The following PCDHGB2 variants were observed in gnomAD, a reference collection of about 807,000 sequenced individuals.
PCDHGB2 encodes protocadherin gamma subfamily B, 2.
In PCDHGB2, 55 loss-of-function variants were observed where a neutral mutation model predicts 59.3. That is an observed-to-expected ratio of 0.93 (90% CI 0.75 to 1.16). The LOEUF (loss-of-function observed/expected upper bound fraction) is 1.16. Among genes scored for constraint, PCDHGB2 ranks in the 50% most tolerant of loss-of-function variants. The pLI, the probability that PCDHGB2 is intolerant of heterozygous loss-of-function variation, is 0.00. For synonymous variants in PCDHGB2, 516 were observed against 512.0 expected (o/e 1.01, Z -0.11); for missense variants, 1,228 against 1,198.5 (o/e 1.02, Z -0.36).
chr5:141,376,292 G>C (rs377013387), intron 1 of PCDHGB2: 30 of 1,614,038 alleles, frequency 1.9e-5, no homozygotes, highest in Middle Eastern at 3.3e-4. Flanking sequence ...GAGCATGCCC[G>C]GCTCGCACTT....
chr5:141,398,874 C>G (rs1384943457), intron 1 of PCDHGB2: 1 of 1,613,978 alleles, frequency 6.2e-7, no homozygotes, highest in South Asian at 1.1e-5. Context: ...TGTACAGAGT[C>G]AGCCTTCGGG....
rs1029080327 is a variant in PCDHGB2 at position 141,512,737 on chromosome 5, G to C, written c.*1564G>C. 6.5e-5 allele frequency: 10 copies of C among 152,868 alleles called. No individual in the cohort carries two copies. The highest frequency in any genetic ancestry group is 2.4e-4 in the African/African-American group (10 of 41,472). 9.5% of individuals were successfully genotyped at this position (152,868 alleles called of 1,614,324 possible). On this transcript the variant is annotated 3_prime_UTR_variant, in exon 4 of 4. Transcript: ENST00000522605. Reference sequence around the variant, plus strand: ...ATGGCGGGTGGGCAGCGGGCGGCGGGCTCCGCGCAGCCGTCTGTCCTTGAT... The same window carrying C: ...ATGGCGGGTGGGCAGCGGGCGGCGGCCTCCGCGCAGCCGTCTGTCCTTGAT...
chr5:141,489,991 A>G lies in PCDHGB2; in HGVS notation c.2422-4816A>G, dbSNP rs1157441385. On this transcript the variant is annotated intron_variant, in intron 1 of 3. Coordinates refer to ENST00000522605, the MANE Select transcript of PCDHGB2 (RefSeq NM_018923.3). The surrounding 1 kb of genome is among the most constrained non-coding windows in gnomAD (Gnocchi z 4.5). Reference sequence around the variant, plus strand: ...CCAATCCTCAGTTCTACGTGTGGGAATCCCAGAGAATGCACCCATTGGTAC... The same window carrying G: ...CCAATCCTCAGTTCTACGTGTGGGAGTCCCAGAGAATGCACCCATTGGTAC... The G allele has an allele frequency of 6.2e-7, 1 of 1,614,228 alleles. No individual in the cohort carries two copies. Among genetic ancestry groups the G allele is most frequent in the South Asian group, 1.1e-5 (1 of 91,090 alleles).
rs980172909 is a variant in PCDHGB2, at chr5:141,485,917, G to A, written c.2422-8890G>A. On this transcript the variant is annotated intron_variant, in intron 1 of 3. Transcript: ENST00000522605. The surrounding 1 kb of genome is among the most constrained non-coding windows in gnomAD (Gnocchi z 5.7). ...CAGCCTTCCAGCAATCCAGCTACAGGATTAGTGTGTTGGAGAGCGCACCAG... is the reference window on the plus strand; with the variant it reads ...CAGCCTTCCAGCAATCCAGCTACAGAATTAGTGTGTTGGAGAGCGCACCAG... The A allele has an allele frequency of 2.6e-5, 42 of 1,614,078 alleles. No homozygotes were observed. Among genetic ancestry groups the A allele is most frequent in the Non-Finnish European group, 3.5e-5 (41 of 1,180,050 alleles).
intron 1 of PCDHGB2, chr5:141,426,791 C>T (rs2096960403): frequency 2.2e-6 from 1 of 456,574 alleles, no homozygotes; most frequent in Non-Finnish European, 4.4e-6. Context: ...TCCAGAGTTA[C>T]CAGCTCAGTT....
Position 141,491,170 on chromosome 5 carries a change from G to A in PCDHGB2, c.2422-3637G>A. The stretch of plus-strand genomic sequence containing the variant: ...GGAGGATGACTCTGACACCCAGCAG[G>A]TGGTGGTCCTGGTGAGGGACAATGG... On this transcript the variant is annotated intron_variant, in intron 1 of 3. Coordinates refer to ENST00000522605, the MANE Select transcript of PCDHGB2 (RefSeq NM_018923.3). The surrounding 1 kb of genome is among the most constrained non-coding windows in gnomAD (Gnocchi z 6.9). 6.2e-7 allele frequency: 1 copy of A among 1,614,176 alleles called. No individual in the cohort carries two copies. Among genetic ancestry groups the A allele is most frequent in the Non-Finnish European group, 8.5e-7 (1 of 1,179,996 alleles).
At chr5:141,501,287 T>C (rs1025193070) in intron 2 of PCDHGB2, among the ~76,000 whole-genome samples, 1 of 96,980 alleles carries the variant, frequency 1.0e-5, no homozygotes, top group African/African-American at 4.2e-5. Context: ...GGATATTCCC[T>C]TATACACACA....
intron 1 of PCDHGB2, among the ~76,000 whole-genome samples, chr5:141,483,557 G>A (rs141633312): frequency 4.5e-4 from 69 of 152,276 alleles, no homozygotes; most frequent in Admixed American, 1.9e-3. Context: ...GCCATTCACA[G>A]AGACAGTGAA....
Position 141,360,237 on chromosome 5 carries a change from C to A in PCDHGB2, c.102C>A (p.Arg34=). Residue 34 remains arginine (R), a synonymous_variant, in exon 1 of 4, where the codon CGC becomes CGA. Transcript: ENST00000522605. Reference sequence around the variant, plus strand: ...CCGGGGCTCTCCCAGTCCAGATCCGCTATTCAATTCCAGAGGAGCTGGCCA... The same window carrying A: ...CCGGGGCTCTCCCAGTCCAGATCCGATATTCAATTCCAGAGGAGCTGGCCA... ...LFPGALPVQI[R]YSIPEELAKN... is the part of the protein sequence containing the mutation. 1 of 1,613,902 alleles carries A rather than the reference C, an allele frequency of 6.2e-7. No homozygotes were observed. Among genetic ancestry groups the A allele is most frequent in the Non-Finnish European group, 8.5e-7 (1 of 1,179,844 alleles).
intron 1 of PCDHGB2, chr5:141,382,901 TGGC>T (rs1204971797): frequency 6.5e-7 from 1 of 1,543,194 alleles, no homozygotes; most frequent in African/African-American, 1.4e-5. Context: ...AGGACGACTA[TGGC>T]GGCTCAGCCG....
rs370242892 is a variant in PCDHGB2 at position 141,420,225 on chromosome 5, C to A, written c.2421+57669C>A. On this transcript the variant is annotated intron_variant, in intron 1 of 3. Coordinates refer to ENST00000522605, the MANE Select transcript of PCDHGB2 (RefSeq NM_018923.3). ...CTCAACAAAGATAGCATGCTACTGGCTAGCATTTTAACTCCCAGCGTTGAA... is the reference window on the plus strand; with the variant it reads ...CTCAACAAAGATAGCATGCTACTGGATAGCATTTTAACTCCCAGCGTTGAA... 13 of 1,603,470 alleles carry A rather than the reference C, an allele frequency of 8.1e-6. No homozygotes were observed. In the African/African-American group the frequency reaches 1.7e-4, roughly 21 times the overall value.
intron 1 of PCDHGB2, among the ~76,000 whole-genome samples, chr5:141,473,126 A>C (rs2154571574): frequency 6.6e-6 from 1 of 152,356 alleles, no homozygotes; most frequent in South Asian, 2.1e-4. Flanking sequence ...GCTCTTTGGC[A>C]AACTATATTA....
At chr5:141,373,534 T>C (rs1191585178) in intron 1 of PCDHGB2, among the ~76,000 whole-genome samples, 1 of 152,172 alleles carries the variant, frequency 6.6e-6, no homozygotes, top group East Asian at 1.9e-4. Flanking sequence ...AAAAAAGTGT[T>C]TGTGGTTGTT....
At chr5:141,428,098 A>G in intron 1 of PCDHGB2, 1 of 1,608,664 alleles carries the variant, frequency 6.2e-7, no homozygotes, top group Non-Finnish European at 8.5e-7. Flanking sequence ...CTGTCCTACC[A>G]CGTGCTGCAG....
intron 1 of PCDHGB2, chr5:141,389,909 C>A: frequency 6.2e-7 from 1 of 1,614,068 alleles, no homozygotes; most frequent in Non-Finnish European, 8.5e-7. Flanking sequence ...ATATCACTGA[C>A]CGCCCCGACC....
chr5:141,444,410 A>G (rs2098435910), intron 1 of PCDHGB2, among the ~76,000 whole-genome samples: 1 of 151,922 alleles, frequency 6.6e-6, no homozygotes, highest in African/African-American at 2.4e-5. Flanking sequence ...ACCTCAGGTG[A>G]TCTTCCCTCC....
At chr5:141,478,940 T>C in intron 1 of PCDHGB2, 2 of 584,636 alleles carry the variant, frequency 3.4e-6, no homozygotes, top group South Asian at 2.7e-5. Flanking sequence ...CTTCTAGGAA[T>C]ACAAAAACTA....
intron 1 of PCDHGB2, among the ~76,000 whole-genome samples, chr5:141,449,606 A>AG (rs1263111904): frequency 2.0e-5 from 3 of 150,702 alleles, no homozygotes; most frequent in Non-Finnish European, 3.0e-5. Flanking sequence ...AAAAAAAAAA[A>AG]AGTAAAAAAG....
Position 141,400,130 on chromosome 5 carries a change from T to C in PCDHGB2, c.2421+37574T>C, listed in dbSNP as rs369250985. On this transcript the variant is annotated intron_variant, in intron 1 of 3. Transcript: ENST00000522605. ...TTTGCTGACAGCTTGCAGGAGGTGC[T>C]GCCGGATATCACTGACCGCCCTGTA... is the stretch of plus-strand genomic sequence containing the variant. The C allele has an allele frequency of 1.9e-6, 3 of 1,613,954 alleles. No individual in the cohort carries two copies. The African/African-American group carries it at 4.0e-5, about 22-fold the overall frequency.
Sources: gnomAD v4.1 joint callset for allele counts (sites outside exome capture counted in the v4.1 genomes callset) on GRCh38, gnomAD v4.1.1 for gene constraint, Gnocchi (gnomAD v3.1) non-coding constraint, MANE v1.5 for transcripts, NCBI Gene and HGNC (gene_info 2026-07-23, HGNC 2026-07-21) for gene names.